FSTL5: variants seen among roughly 807,000 people sequenced by gnomAD.
FSTL5 encodes the protein follistatin like 5, also known as follistatin-related protein 5.
FSTL5 carries 62 observed loss-of-function variants against 89.1 expected under a neutral mutation model. That is an observed-to-expected ratio of 0.70 (90% CI 0.57 to 0.86). The LOEUF (loss-of-function observed/expected upper bound fraction) is 0.86. FSTL5 is among the 40% of genes least tolerant of loss of function. FSTL5 has a pLI of 0.00. For missense variants in FSTL5, 1,057 were observed against 1,001.6 expected, an observed-to-expected ratio of 1.06 and a Z score of -0.75; for synonymous variants, 383 against 346.2, an observed-to-expected ratio of 1.11 and a Z score of -1.18.
rs144245996 is a variant in FSTL5, at chr4:162,077,945, T to C, written c.126+33326A>G. 1.1e-4 allele frequency among the ~76,000 whole-genome samples: 17 copies of C among 151,992 alleles called. No homozygotes were observed. The East Asian group carries it at 2.1e-3, about 19-fold the overall frequency. On this transcript the variant is annotated intron_variant, in intron 2 of 15. Coordinates refer to ENST00000306100, the MANE Select transcript of FSTL5 (RefSeq NM_020116.5). ...TACATACTCAAATTCTTTAATAATG[T>C]CCCTTGAAATACTAGACTGTAATAT...
chr4:161,647,850 C>T (rs561833191), intron 7 of FSTL5, among the ~76,000 whole-genome samples: 4 of 151,792 alleles, frequency 2.6e-5, no homozygotes, highest in Admixed American at 2.0e-4. Context: ...TGGCCTGCTA[C>T]GCCCCCATCC....
chr4:162,099,256 G>A (rs1034413828), intron 2 of FSTL5, among the ~76,000 whole-genome samples: 2 of 151,962 alleles, frequency 1.3e-5, no homozygotes, highest in African/African-American at 2.4e-5. Context: ...TTAAGAAAAG[G>A]AAAATAATTG....
chr4:161,974,164 G>C (rs978400912), intron 3 of FSTL5, among the ~76,000 whole-genome samples: 1 of 152,184 alleles, frequency 6.6e-6, no homozygotes, highest in East Asian at 1.9e-4. Context: ...AATCAATATC[G>C]TGAAAATGGC....
At chr4:162,055,548 T>C (rs1318363674) in intron 2 of FSTL5, among the ~76,000 whole-genome samples, 1 of 151,540 alleles carries the variant, frequency 6.6e-6, no homozygotes, top group African/African-American at 2.4e-5. Flanking sequence ...GATAGATAGA[T>C]AGATAGATAG....
chr4:162,028,719 C>G (rs1737396993), intron 3 of FSTL5, among the ~76,000 whole-genome samples: 1 of 152,052 alleles, frequency 6.6e-6, no homozygotes, highest in South Asian at 2.1e-4. Context: ...TAAAGACATG[C>G]AATAATTTGG....
At chr4:161,933,958 T>A (rs1308234031) in intron 3 of FSTL5, among the ~76,000 whole-genome samples, 1 of 152,070 alleles carries the variant, frequency 6.6e-6, no homozygotes, top group East Asian at 1.9e-4. Context: ...AGAAAACATA[T>A]CTCCTAAACA....
At chr4:161,868,752 A>G (rs190259265) in intron 4 of FSTL5, among the ~76,000 whole-genome samples, 10 of 152,262 alleles carry the variant, frequency 6.6e-5, no homozygotes, top group Admixed American at 6.5e-4. Context: ...TTATTTGTAA[A>G]AGTTAGACCA....
intron 15 of FSTL5, among the ~76,000 whole-genome samples, chr4:161,432,249 C>A (rs942167496): frequency 6.6e-6 from 1 of 152,016 alleles, no homozygotes. Context: ...GATATAATAT[C>A]AAAGATCTTC....
Position 161,386,404 on chromosome 4 carries a change from A to G in FSTL5, c.1887T>C (p.Ile629=). The part of the protein sequence containing the change: ...LHKDEAALQK[I]DLETMSYIKT... ...TGATGTATGACATGGTTTCAAGATC[A>G]ATTTTTTGTAGTGCAGCTTCATCTT... The change falls in exon 16 of 16, where the codon ATT becomes ATC. Residue 629 remains isoleucine, a synonymous_variant. Coordinates refer to ENST00000306100, the MANE Select transcript of FSTL5 (RefSeq NM_020116.5). The G allele has an allele frequency of 6.2e-7, 1 of 1,613,494 alleles. No homozygotes were observed. Among genetic ancestry groups the G allele is most frequent in the Non-Finnish European group, 8.5e-7 (1 of 1,179,702 alleles).
At chr4:162,065,308 AAC>A (rs1481068202) in intron 2 of FSTL5, among the ~76,000 whole-genome samples, 1 of 151,988 alleles carries the variant, frequency 6.6e-6, no homozygotes, top group African/African-American at 2.4e-5. Context: ...ATATCTGATA[AAC>A]AGTTAACAAC....
At chr4:161,835,212 C>T (rs1730995865) in intron 4 of FSTL5, among the ~76,000 whole-genome samples, 1 of 151,770 alleles carries the variant, frequency 6.6e-6, no homozygotes, top group Non-Finnish European at 1.5e-5. Flanking sequence ...AAAGGATTCC[C>T]TATTTAATAA....
intron 4 of FSTL5, among the ~76,000 whole-genome samples, chr4:161,819,950 T>A (rs1267456174): frequency 6.6e-6 from 1 of 151,730 alleles, no homozygotes; most frequent in Non-Finnish European, 1.5e-5. Flanking sequence ...AAAATTAAGT[T>A]TTTTTTAACT....
chr4:161,442,584 A>G (rs1732810278), intron 15 of FSTL5, among the ~76,000 whole-genome samples: 1 of 152,112 alleles, frequency 6.6e-6, no homozygotes. Flanking sequence ...TTTTTCTTTT[A>G]TGAAGAATTA....
chr4:161,873,005 A>T lies in FSTL5; in HGVS notation c.409+47399T>A, dbSNP rs530676718. Reference sequence around the variant, plus strand: ...AGAAATACATATAGTAATGTTAAAGACAAAAATATTCTGGAACTATAGAAA... The same window carrying T: ...AGAAATACATATAGTAATGTTAAAGTCAAAAATATTCTGGAACTATAGAAA... On this transcript the variant is annotated intron_variant, in intron 4 of 15. Coordinates refer to ENST00000306100, the MANE Select transcript of FSTL5 (RefSeq NM_020116.5). Among the ~76,000 whole-genome samples the T allele has an allele frequency of 2.0e-5, 3 of 152,286 alleles. No individual in the cohort carries two copies. In the East Asian group the frequency reaches 5.8e-4, roughly 29 times the overall value.
At chr4:162,114,226 G>A (rs1731550745) in intron 1 of FSTL5, among the ~76,000 whole-genome samples, 1 of 151,902 alleles carries the variant, frequency 6.6e-6, no homozygotes, top group South Asian at 2.1e-4. Flanking sequence ...CCTTTTCTCA[G>A]AGGTAAATAT....
intron 15 of FSTL5, 102 bp downstream of exon 15, chr4:161,454,902 T>A: frequency 9.6e-7 from 1 of 1,039,566 alleles, no homozygotes. Context: ...CAATTGTACA[T>A]GTGTATTTGT....
At chr4:161,493,400 A>G (rs1359337857) in intron 12 of FSTL5, among the ~76,000 whole-genome samples, 4 of 151,760 alleles carry the variant, frequency 2.6e-5, no homozygotes, top group African/African-American at 9.7e-5. Flanking sequence ...CTGGAACTAG[A>G]CATAGGGGGA....
chr4:161,391,699 A>G (rs937241360), intron 15 of FSTL5, among the ~76,000 whole-genome samples: 1 of 152,202 alleles, frequency 6.6e-6, no homozygotes, highest in African/African-American at 2.4e-5. Flanking sequence ...ATACCTGTTT[A>G]TAAAGGGTGG....
rs748092347 is a variant in FSTL5, at chr4:161,386,291, G to A, written c.2000C>T (p.Pro667Leu). The A allele has an allele frequency of 1.9e-6, 3 of 1,613,870 alleles. No individual in the cohort carries two copies. The highest frequency in any genetic ancestry group is 1.3e-5 in the African/African-American group (1 of 74,902). ...LGGYYFIGCK[P>L]DSTGAVSPQV... ...TGGGGAAACTGCTCCGGTGCTGTCA[G>A]GTTTGCAGCCAATGAAGTAGTAGCC... The change falls in exon 16 of 16, where the codon CCT (proline) becomes CTT (leucine). Residue 667 changes from proline to leucine, a missense_variant. Pro to Leu is a moderately conservative substitution (Grantham distance 98). Coordinates refer to ENST00000306100, the MANE Select transcript of FSTL5 (RefSeq NM_020116.5).
Sources: allele counts gnomAD v4.1 joint callset (sites outside exome capture counted in the v4.1 genomes callset), GRCh38; gene constraint gnomAD v4.1.1; transcripts MANE v1.5; gene names NCBI Gene and HGNC (gene_info 2026-07-23, HGNC 2026-07-21).